The following MLLT3 variants were observed in gnomAD, a reference collection of about 807,000 sequenced individuals.
MLLT3 encodes the protein MLLT3 super elongation complex subunit.
In MLLT3, 4 loss-of-function variants were observed where a neutral mutation model predicts 53.2. The ratio of observed to expected loss-of-function variants is 0.08; its 90% CI spans 0.04 to 0.17. MLLT3 has a LOEUF of 0.17. Among genes scored for constraint, MLLT3 ranks in the 10% least tolerant of loss-of-function variants. The pLI is 1.00. For synonymous variants in MLLT3, 283 were observed against 230.6 expected (o/e 1.23, Z -2.06); for missense variants, 569 against 684.0 (o/e 0.83, Z 1.87).
At chr9:20,548,988 T>A (rs1478996179) in intron 2 of MLLT3, among the ~76,000 whole-genome samples, 1 of 152,040 alleles carries the variant, frequency 6.6e-6, no homozygotes, top group Admixed American at 6.6e-5. Context: ...CTAATTTTAG[T>A]ATTTTTTGTA....
At chr9:20,369,818 C>T (rs1032963355) in intron 5 of MLLT3, among the ~76,000 whole-genome samples, 18 of 152,086 alleles carry the variant, frequency 1.2e-4, no homozygotes, top group African/African-American at 3.9e-4. Context: ...TCTTTACAGG[C>T]CCTAAGGATT....
At chr9:20,416,337 T>A (rs946271512) in intron 4 of MLLT3, among the ~76,000 whole-genome samples, 1 of 152,090 alleles carries the variant, frequency 6.6e-6, no homozygotes, top group East Asian at 1.9e-4. Context: ...ATTATACACA[T>A]ATTTTGTAAA....
intron 2 of MLLT3, among the ~76,000 whole-genome samples, chr9:20,554,190 C>T (rs984336482): frequency 6.6e-6 from 1 of 152,144 alleles, no homozygotes; most frequent in African/African-American, 2.4e-5. Flanking sequence ...TTAACAATTT[C>T]AATCAAACCA....
intron 2 of MLLT3, among the ~76,000 whole-genome samples, chr9:20,585,459 T>A (rs781572267): frequency 6.6e-6 from 1 of 152,188 alleles, no homozygotes; most frequent in Non-Finnish European, 1.5e-5. Context: ...GTCCACAACG[T>A]ACAGTAATAG....
intron 7 of MLLT3, among the ~76,000 whole-genome samples, chr9:20,361,045 C>A (rs1185991242): frequency 6.6e-6 from 1 of 152,222 alleles, no homozygotes; most frequent in African/African-American, 2.4e-5. Flanking sequence ...TTTTCATGAT[C>A]TCCTGTTTCA....
At chr9:20,581,997 T>G (rs1819805287) in intron 2 of MLLT3, among the ~76,000 whole-genome samples, 1 of 152,208 alleles carries the variant, frequency 6.6e-6, no homozygotes, top group Admixed American at 6.5e-5. Flanking sequence ...TTTTAATTTT[T>G]TATATTAAAT....
At chr9:20,460,864 T>G (rs1025252696) in intron 2 of MLLT3, among the ~76,000 whole-genome samples, 3 of 152,200 alleles carry the variant, frequency 2.0e-5, no homozygotes, top group East Asian at 1.9e-4. Flanking sequence ...GCACAGGTGA[T>G]AGAAAAGTGT....
chr9:20,511,932 G>T (rs1400735963), intron 2 of MLLT3, among the ~76,000 whole-genome samples: 1 of 152,068 alleles, frequency 6.6e-6, no homozygotes, highest in Non-Finnish European at 1.5e-5. Flanking sequence ...AGCAGCCTCA[G>T]AATTGCATTA....
In MLLT3 at chr9:20,542,920, T is replaced by C. The variant is rs182283401; in HGVS notation, c.193+77734A>G. ...TGGATAACTTGCTGCAGCTTCTACG[T>C]CAGCACTTGCTGCTTCACCTTGCAC... On this transcript the variant is annotated intron_variant, in intron 2 of 10. Transcript: ENST00000380338. Among the ~76,000 whole-genome samples the C allele has an allele frequency of 2.8e-4, 42 of 152,372 alleles. No homozygotes were observed. In the South Asian group the frequency reaches 4.1e-3, roughly 15 times the overall value.
At chr9:20,441,318 T>C (rs941038394) in intron 4 of MLLT3, among the ~76,000 whole-genome samples, 18 of 152,162 alleles carry the variant, frequency 1.2e-4, no homozygotes, top group African/African-American at 4.3e-4. Flanking sequence ...AGACATTAAA[T>C]CATAAAACCA....
In MLLT3 at chr9:20,413,807, T is replaced by C; in HGVS notation, c.1039A>G (p.Lys347Glu). Residue 347 changes from lysine to glutamate, a missense_variant, in exon 5 of 11, where the codon AAG (lysine) becomes GAG (glutamate). Lys to Glu is a moderately conservative substitution (Grantham distance 56). Around this residue, in one of 5 missense-constraint regions of MLLT3, gnomAD observed 437 missense variants for 376.5 expected, o/e 1.16. Coordinates refer to ENST00000380338, the MANE Select transcript of MLLT3 (RefSeq NM_004529.4). ...AATGGCGGTAACGTTGATTTCTTCT[T>C]CTCTGATGTCTCACTTTCAATTTTG... ...KVKIESETSE[K>E]KKSTLPPFDD... 1 of 1,614,038 alleles carries C rather than the reference T, an allele frequency of 6.2e-7. No homozygotes were observed. The highest frequency in any genetic ancestry group is 1.1e-5 in the South Asian group (1 of 91,052).
At chr9:20,541,340 C>T (rs1167369497) in intron 2 of MLLT3, among the ~76,000 whole-genome samples, 1 of 152,172 alleles carries the variant, frequency 6.6e-6, no homozygotes, top group African/African-American at 2.4e-5. Flanking sequence ...AGCAGTGCCA[C>T]ACTACCAGTA....
chr9:20,521,664 A>C (rs1468812519), intron 2 of MLLT3, among the ~76,000 whole-genome samples: 2 of 152,254 alleles, frequency 1.3e-5, no homozygotes, highest in African/African-American at 4.8e-5. Flanking sequence ...TGCTCTAAGC[A>C]GGAAGAAATG....
chr9:20,515,924 G>A (rs768513032), intron 2 of MLLT3, among the ~76,000 whole-genome samples: 1 of 152,172 alleles, frequency 6.6e-6, no homozygotes, highest in Non-Finnish European at 1.5e-5. Context: ...TTCCACACCA[G>A]AGCAACATCT....
chr9:20,365,476 T>A (rs1305012625), intron 6 of MLLT3, among the ~76,000 whole-genome samples, 193 bp downstream of exon 6: 1 of 152,226 alleles, frequency 6.6e-6, no homozygotes, highest in Non-Finnish European at 1.5e-5. Context: ...CAGCTGGGAC[T>A]ACAGGCGCAT....
intron 5 of MLLT3, among the ~76,000 whole-genome samples, chr9:20,402,734 CCAGGACA>C (rs1352498969): frequency 1.3e-5 from 2 of 152,036 alleles, no homozygotes; most frequent in Admixed American, 1.3e-4. Flanking sequence ...TAAAGGATGA[CCAGGACA>C]CAAAGTCTAT....
At chr9:20,577,381 C>A (rs945740332) in intron 2 of MLLT3, among the ~76,000 whole-genome samples, 6 of 152,100 alleles carry the variant, frequency 3.9e-5, no homozygotes, top group African/African-American at 9.7e-5. Context: ...AGGAGTATAA[C>A]CATTTGTTTT....
chr9:20,521,233 GCTA>G (rs1470245862), intron 2 of MLLT3, among the ~76,000 whole-genome samples: 1 of 152,062 alleles, frequency 6.6e-6, no homozygotes, highest in Non-Finnish European at 1.5e-5. Flanking sequence ...ATCGCATCCG[GCTA>G]CTTTTTGTAC....
chr9:20,571,006 A>G (rs1466757896), intron 2 of MLLT3, among the ~76,000 whole-genome samples: 3 of 152,372 alleles, frequency 2.0e-5, no homozygotes, highest in African/African-American at 4.8e-5. Flanking sequence ...AGCCATGAGT[A>G]AAACTCTAGG....
Sources: allele counts gnomAD v4.1 joint callset (sites outside exome capture counted in the v4.1 genomes callset), GRCh38; gene constraint gnomAD v4.1.1; regional missense constraint gnomAD v4.1.1; transcripts MANE v1.5; gene names NCBI Gene and HGNC (gene_info 2026-07-23, HGNC 2026-07-21).